HS3ST3A1: variants seen among roughly 807,000 people sequenced by gnomAD.
HS3ST3A1 encodes heparan sulfate-glucosamine 3-sulfotransferase 3A1.
A neutral mutation model predicts 25.7 loss-of-function variants in HS3ST3A1; 19 were observed. The observed-to-expected ratio is 0.74, with a 90% confidence interval of 0.52 to 1.08. HS3ST3A1 has a LOEUF of 1.08. HS3ST3A1 is among the 50% of genes least tolerant of loss of function. The pLI is 0.00. For synonymous variants in HS3ST3A1, 226 were observed against 278.6 expected, an observed-to-expected ratio of 0.81 and a Z score of 1.88; for missense variants, 459 against 594.3, an observed-to-expected ratio of 0.77 and a Z score of 2.37.
At chr17:13,557,821 T>C (rs1426780060) in intron 1 of HS3ST3A1, among the ~76,000 whole-genome samples, 1 of 152,178 alleles carries the variant, frequency 6.6e-6, no homozygotes, top group East Asian at 1.9e-4. Flanking sequence ...ATTGAATGTT[T>C]TGGAAAAAGA....
chr17:13,584,425 A>AG (rs1908193390), intron 1 of HS3ST3A1, among the ~76,000 whole-genome samples: 1 of 113,184 alleles, frequency 8.8e-6, no homozygotes, highest in East Asian at 2.0e-4. Flanking sequence ...GCAATTTCCA[A>AG]AAAAAAAAAA....
intron 1 of HS3ST3A1, among the ~76,000 whole-genome samples, chr17:13,522,322 G>C (rs1031690520): frequency 6.6e-6 from 1 of 151,260 alleles, no homozygotes; most frequent in Non-Finnish European, 1.5e-5. Flanking sequence ...ATGGGTTATA[G>C]TCTCCCACTT....
At chr17:13,513,516 T>C (rs1485385508) in intron 1 of HS3ST3A1, among the ~76,000 whole-genome samples, 10 of 152,324 alleles carry the variant, frequency 6.6e-5, no homozygotes, top group Admixed American at 6.5e-4. Context: ...CGCTCCGATA[T>C]AGCATTTAAA....
rs1906999794 is a variant in HS3ST3A1 at position 13,543,645 on chromosome 17, G to C, written c.600-46827C>G. On this transcript the variant is annotated intron_variant, in intron 1 of 1. Transcript: ENST00000284110. Reference sequence around the variant, plus strand: ...CACCAACCTAATACATGCAGAATCAGATTTGTTCTCTGTGAATCTAGAAGG... The same window carrying C: ...CACCAACCTAATACATGCAGAATCACATTTGTTCTCTGTGAATCTAGAAGG... 2.5e-5 allele frequency: 4 copies of C among 160,624 alleles called. No homozygotes were observed. In the South Asian group the frequency reaches 8.2e-4, roughly 33 times the overall value. The allele number at this position is 160,624 out of a possible 1,614,324, so 9.9% of individuals were successfully genotyped here. A position where few individuals can be genotyped will look rare whatever the true frequency, so the allele number is the denominator to read the frequency against.
At chr17:13,597,220 G>A (rs1215856066) in intron 1 of HS3ST3A1, among the ~76,000 whole-genome samples, 1 of 152,030 alleles carries the variant, frequency 6.6e-6, no homozygotes, top group Admixed American at 6.5e-5. Context: ...ACATATGTAT[G>A]TGTATGTGTA....
chr17:13,581,512 A>C (rs1908115234), intron 1 of HS3ST3A1, among the ~76,000 whole-genome samples: 1 of 151,958 alleles, frequency 6.6e-6, no homozygotes, highest in East Asian at 1.9e-4. Flanking sequence ...AATAAACTTT[A>C]ACATAAGCTA....
At chr17:13,521,153 C>G (rs28485048) in intron 1 of HS3ST3A1, among the ~76,000 whole-genome samples, 1 of 152,082 alleles carries the variant, frequency 6.6e-6, no homozygotes, top group Non-Finnish European at 1.5e-5. Context: ...GCCTCTTGGC[C>G]GGGTTGGTCT....
At chr17:13,560,557 T>C (rs1480138023) in intron 1 of HS3ST3A1, among the ~76,000 whole-genome samples, 1 of 152,124 alleles carries the variant, frequency 6.6e-6, no homozygotes, top group Non-Finnish European at 1.5e-5. Context: ...CAAATTTTAT[T>C]ACAGCGTGTG....
chr17:13,548,441 GAAGAT>G (rs1290315242), intron 1 of HS3ST3A1, among the ~76,000 whole-genome samples: 1 of 152,150 alleles, frequency 6.6e-6, no homozygotes, highest in Admixed American at 6.5e-5. Context: ...CCACCCCATG[GAAGAT>G]AAGGGCTTCA....
In HS3ST3A1 at chr17:13,494,502, A is replaced by G. The variant is rs1239468405; in HGVS notation, c.*1695T>C. Among the ~76,000 whole-genome samples the G allele has an allele frequency of 6.6e-6, 1 of 152,244 alleles. No individual in the cohort carries two copies. The highest frequency in any genetic ancestry group is 1.5e-5 in the Non-Finnish European group (1 of 68,046). ...AATGTACAATTGTACTGCATATTTT[A>G]AAACAACTTTAGTTTCTTTTGATTG... On this transcript the variant is annotated 3_prime_UTR_variant, in exon 2 of 2. Transcript: ENST00000284110.
At chr17:13,572,899 A>G (rs1907855548) in intron 1 of HS3ST3A1, among the ~76,000 whole-genome samples, 1 of 152,224 alleles carries the variant, frequency 6.6e-6, no homozygotes, top group South Asian at 2.1e-4. Flanking sequence ...AATTAGGGAA[A>G]GCAGATGACC....
At chr17:13,506,378 T>C (rs1334941014) in intron 1 of HS3ST3A1, among the ~76,000 whole-genome samples, 5 of 152,202 alleles carry the variant, frequency 3.3e-5, no homozygotes, top group African/African-American at 1.2e-4. Flanking sequence ...TAAGATTCCA[T>C]GTAGGCAGTG....
At chr17:13,594,288 C>A (rs868469738) in intron 1 of HS3ST3A1, among the ~76,000 whole-genome samples, 1 of 152,170 alleles carries the variant, frequency 6.6e-6, no homozygotes, top group Non-Finnish European at 1.5e-5. Context: ...TTTCATCCTG[C>A]CTTCCTTTAA....
At chr17:13,518,837 G>A (rs954487475) in intron 1 of HS3ST3A1, among the ~76,000 whole-genome samples, 11 of 152,244 alleles carry the variant, frequency 7.2e-5, no homozygotes, top group African/African-American at 2.4e-4. Context: ...CCATCTGGTC[G>A]ACCCACAGCT....
At chr17:13,590,037 T>C (rs1000509763) in intron 1 of HS3ST3A1, among the ~76,000 whole-genome samples, 1 of 152,082 alleles carries the variant, frequency 6.6e-6, no homozygotes, top group Admixed American at 6.5e-5. Context: ...GAAATTTTAT[T>C]CCCATAATTT....
Position 13,496,159 on chromosome 17 carries a change from T to C in HS3ST3A1, c.*38A>G. On this transcript the variant is annotated 3_prime_UTR_variant, in exon 2 of 2. Transcript: ENST00000284110. ...CTCTACCGATTGGTAAAAAAATATA[T>C]TATATTTTGATTTTTTTTTTCTTTT... 6.8e-7 allele frequency: 1 copy of C among 1,467,386 alleles called. No homozygotes were observed. 90.9% of individuals were successfully genotyped at this position (1,467,386 alleles called of 1,614,324 possible). A position where few individuals can be genotyped will look rare whatever the true frequency, so the allele number is the denominator to read the frequency against.
At chr17:13,583,449 G>A (rs73296200) in intron 1 of HS3ST3A1, among the ~76,000 whole-genome samples, 223 of 152,276 alleles carry the variant, frequency 1.5e-3, no homozygotes, top group African/African-American at 5.1e-3. Context: ...TTAGAAAAGT[G>A]AAGATCTCAG....
intron 1 of HS3ST3A1, among the ~76,000 whole-genome samples, chr17:13,556,493 G>A (rs1907377977): frequency 8.9e-6 from 1 of 112,040 alleles, no homozygotes; most frequent in Admixed American, 8.5e-5. Flanking sequence ...AGGCGACAGA[G>A]CGAGACTTTG....
intron 1 of HS3ST3A1, among the ~76,000 whole-genome samples, chr17:13,534,432 G>C (rs934778025): frequency 6.6e-6 from 1 of 151,354 alleles, no homozygotes; most frequent in Admixed American, 6.6e-5. Flanking sequence ...GTCCAGGTGT[G>C]GTGGCTTACA....
Sources: gnomAD v4.1 joint callset for allele counts (sites outside exome capture counted in the v4.1 genomes callset) on GRCh38, gnomAD v4.1.1 for gene constraint, MANE v1.5 for transcripts, NCBI Gene and HGNC (gene_info 2026-07-23, HGNC 2026-07-21) for gene names.